Variants in CYP2C8 observed in about 807,000 individuals in gnomAD.
CYP2C8 encodes cytochrome P450 2C8.
CYP2C8 carries 51 observed loss-of-function variants against 41.3 expected under a neutral mutation model. The observed-to-expected ratio is 1.24, with a 90% CI of 0.99 to 1.56. CYP2C8 has a LOEUF of 1.56. Ranked by LOEUF, CYP2C8 falls within the 40% of genes most tolerant of loss-of-function variation. The pLI is 0.00. For missense variants in CYP2C8, 651 were observed against 579.9 expected (o/e 1.12, Z -1.26); for synonymous variants, 218 against 205.8 (o/e 1.06, Z -0.51).
At chr10:95,060,860 T>TAAAAAC (rs1295740344) in intron 4 of CYP2C8, among the ~76,000 whole-genome samples, 2 of 152,222 alleles carry the variant, frequency 1.3e-5, no homozygotes, top group African/African-American at 4.8e-5. Flanking sequence ...TGAAGTGCTG[T>TAAAAAC]TGAATTTTTT....
At chr10:95,066,143 A>AGTGT (rs1453134470) in intron 3 of CYP2C8, among the ~76,000 whole-genome samples, 143 of 112,796 alleles carry the variant, frequency 1.3e-3, no homozygotes, top group African/African-American at 5.1e-3. Context: ...AGAGAGAGAG[A>AGTGT]GAGAGAGAGA....
At chr10:95,044,179 G>A (rs1312050475) in intron 6 of CYP2C8, among the ~76,000 whole-genome samples, 2 of 152,112 alleles carry the variant, frequency 1.3e-5, no homozygotes, top group Non-Finnish European at 2.9e-5. Flanking sequence ...TTCTGACTTA[G>A]TTTCAGACAT....
chr10:95,066,436 G>A (rs2033569074), intron 3 of CYP2C8, among the ~76,000 whole-genome samples: 1 of 151,956 alleles, frequency 6.6e-6, no homozygotes, highest in East Asian at 1.9e-4. Flanking sequence ...ACAGGATAAA[G>A]AGTTTTTCAT....
intron 3 of CYP2C8, among the ~76,000 whole-genome samples, chr10:95,066,153 A>AGAGAGAGAGAGTGTGTGT (rs1342809282): frequency 1.1e-5 from 1 of 88,284 alleles, no homozygotes; most frequent in Non-Finnish European, 2.3e-5. Flanking sequence ...AGAGAGAGAG[A>AGAGAGAGAGAGTGTGTGT]GTGTGTGTGT....
intron 5 of CYP2C8, among the ~76,000 whole-genome samples, chr10:95,056,600 T>A (rs6583968): frequency 0.69 from 104,432 of 152,016 alleles, 36,600 homozygotes; most frequent in Middle Eastern, 0.84. Flanking sequence ...ACATGCTAAA[T>A]CTTAGTTGAC....
intron 4 of CYP2C8, among the ~76,000 whole-genome samples, chr10:95,064,065 A>G (rs559684294): frequency 6.6e-6 from 1 of 152,210 alleles, no homozygotes; most frequent in South Asian, 2.1e-4. Flanking sequence ...CAGTTAGGCT[A>G]TTCAGGGGTC....
rs578161806 is a variant in CYP2C8 at position 95,048,404 on chromosome 10, TCTC to T, written c.820-2456_820-2454del. On this transcript the variant is annotated intron_variant, in intron 5 of 8. Coordinates refer to ENST00000371270, the MANE Select transcript of CYP2C8 (RefSeq NM_000770.3). The stretch of plus-strand genomic sequence containing the variant: ...TTAACTGGGCCTAACTGTCCTCTGG[TCTC>T]CTAGCAGCAGGTGCAAGCACCACCT... Among the ~76,000 whole-genome samples the T allele has an allele frequency of 2.0e-5, 3 of 152,234 alleles. No homozygotes were observed. In the South Asian group the frequency reaches 6.2e-4, roughly 32 times the overall value.
In CYP2C8 at chr10:95,069,368, G is replaced by T. The variant is rs756655248; in HGVS notation, c.35C>A (p.Ser12Tyr). The T allele has an allele frequency of 6.8e-6, 11 of 1,613,998 alleles. No individual in the cohort carries two copies. Among genetic ancestry groups the T allele is most frequent in the African/African-American group, 1.3e-5 (1 of 74,912 alleles). ...EPFVVLVLCL[S>Y]FMLLFSLWRQ... ...CCAGAGTGAAAAGAGAAGCATAAAAGAGAGACACAGCACCAGGACCACAAA... is the reference window on the plus strand; with the variant it reads ...CCAGAGTGAAAAGAGAAGCATAAAATAGAGACACAGCACCAGGACCACAAA... The change falls in exon 1 of 9, where the codon TCT becomes TAT. Residue 12 changes from serine (S) to tyrosine (Y), a missense_variant. Ser to Tyr is a moderately radical substitution (Grantham distance 144). Transcript: ENST00000371270.
At chr10:95,060,218 A>G (rs1176410721) in intron 4 of CYP2C8, among the ~76,000 whole-genome samples, 3 of 151,992 alleles carry the variant, frequency 2.0e-5, no homozygotes, top group Admixed American at 1.3e-4. Flanking sequence ...CATTGAATCT[A>G]TAAATTACCT....
At chr10:95,045,621 T>A (rs1248263788) in intron 6 of CYP2C8, among the ~76,000 whole-genome samples, 189 bp downstream of exon 6, 1 of 152,232 alleles carries the variant, frequency 6.6e-6, no homozygotes, top group Non-Finnish European at 1.5e-5. Flanking sequence ...TTTCTACTGA[T>A]CTCTGTCATC....
intron 5 of CYP2C8, among the ~76,000 whole-genome samples, chr10:95,055,235 T>TGGCAAAAGGAAAGAAATAAAGACC (rs1360900705): frequency 8.6e-5 from 13 of 152,046 alleles, no homozygotes. Flanking sequence ...AGCATGGTAC[T>TGGCAAAAGGAAAGAAATAAAGACC]GGCAAAAGGA....
intron 4 of CYP2C8, among the ~76,000 whole-genome samples, chr10:95,060,112 G>A (rs1363781367): frequency 6.6e-6 from 1 of 152,112 alleles, no homozygotes; most frequent in African/African-American, 2.4e-5. Context: ...GCTTAGGATT[G>A]ACTTGACAAT....
intron 8 of CYP2C8, among the ~76,000 whole-genome samples, chr10:95,038,285 T>C (rs2032925007): frequency 6.6e-6 from 1 of 152,216 alleles, no homozygotes; most frequent in African/African-American, 2.4e-5. Context: ...TTGAAGCACA[T>C]GAAACATCCT....
intron 4 of CYP2C8, among the ~76,000 whole-genome samples, chr10:95,060,679 T>C (rs1015943463): frequency 1.3e-4 from 20 of 152,198 alleles, no homozygotes; most frequent in African/African-American, 4.8e-4. Flanking sequence ...TCCAACACTA[T>C]GTTGAATAGG....
chr10:95,061,620 T>C (rs1045422713), intron 4 of CYP2C8, among the ~76,000 whole-genome samples: 8 of 152,218 alleles, frequency 5.3e-5, no homozygotes, highest in Non-Finnish European at 1.0e-4. Context: ...TTTGAAGGGT[T>C]TTTTGTGTCT....
chr10:95,059,908 C>T (rs2033389594), intron 4 of CYP2C8, among the ~76,000 whole-genome samples: 1 of 152,164 alleles, frequency 6.6e-6, no homozygotes, highest in Admixed American at 6.5e-5. Flanking sequence ...GGAATCCTTT[C>T]CCCATTTCTT....
At chr10:95,039,434 C>T (rs12782821) in intron 7 of CYP2C8, 56 of 212,360 alleles carry the variant, frequency 2.6e-4, no homozygotes, top group Non-Finnish European at 3.7e-4. Context: ...GTTCATAGAA[C>T]TTTTGTAAAT....
chr10:95,067,194 G>A lies in CYP2C8; in HGVS notation c.481+14C>T, dbSNP rs2134441868. Reference sequence around the variant, plus strand: ...TAACTGTTAAGGTCAATGACGCAGAGTAGAGTCACCCACCCTTGGTTTTTC... The same window carrying A: ...TAACTGTTAAGGTCAATGACGCAGAATAGAGTCACCCACCCTTGGTTTTTC... On this transcript the variant is annotated intron_variant, in intron 3 of 8. Transcript: ENST00000371270. 6.2e-7 allele frequency: 1 copy of A among 1,614,010 alleles called. No homozygotes were observed.
rs1455733744 is a variant in CYP2C8 at position 95,067,339 on chromosome 10, C to G, written c.350G>C (p.Gly117Ala). 2 of 1,611,930 alleles carry G rather than the reference C, an allele frequency of 1.2e-6. No homozygotes were observed. The highest frequency in any genetic ancestry group is 2.7e-5 in the African/African-American group (2 of 73,576). The stretch of plus-strand genomic sequence containing the variant: ...ACGCCGGATCTCCTTCCATCTCTTT[C>G]CATTGCTGGAAATGATTCCTAATAA... Reference protein sequence around the residue: ...TKGLGIISSNGKRWKEIRRFS... With the variant: ...TKGLGIISSNAKRWKEIRRFS... Residue 117 changes from glycine (G) to alanine (A), a missense_variant, in exon 3 of 9, where the codon GGA (glycine) becomes GCA (alanine). Gly to Ala is a moderately conservative substitution (Grantham distance 60). Coordinates refer to ENST00000371270, the MANE Select transcript of CYP2C8 (RefSeq NM_000770.3).
Sources: gnomAD v4.1 joint callset for allele counts (sites outside exome capture counted in the v4.1 genomes callset) on GRCh38, gnomAD v4.1.1 for gene constraint, MANE v1.5 for transcripts, NCBI Gene and HGNC (gene_info 2026-07-23, HGNC 2026-07-21) for gene names.